Variants in ABHD12 observed in about 807,000 individuals in gnomAD.
The protein encoded by ABHD12 is abhydrolase domain containing 12, lysophospholipase, also known as lysophosphatidylserine lipase ABHD12.
ABHD12 carries 43 observed loss-of-function variants against 58.3 expected under a neutral mutation model. The observed-to-expected ratio is 0.74, with a 90% CI of 0.58 to 0.95. ABHD12 has a LOEUF of 0.95. Among genes scored for constraint, ABHD12 ranks in the 40% least tolerant of loss-of-function variants. ABHD12 has a pLI of 0.00. For synonymous variants in ABHD12, 219 were observed against 211.2 expected (o/e 1.04, Z -0.32); for missense variants, 539 against 537.2 (o/e 1.00, Z -0.03).
chr20:25,298,003 G>A (rs199781314), downstream of ABHD12: 1 of 149,638 alleles, frequency 6.7e-6, no homozygotes, highest in Non-Finnish European at 1.5e-5. Flanking sequence ...TTGTGGCTGT[G>A]GTTGGCTGAC....
intron 1 of ABHD12, among the ~76,000 whole-genome samples, chr20:25,372,969 G>A (rs1488642418): frequency 1.3e-5 from 2 of 152,104 alleles, no homozygotes; most frequent in African/African-American, 2.4e-5. Flanking sequence ...TATTTTCACT[G>A]TACCTTTTCT....
chr20:25,352,282 G>A (rs1436153441), intron 1 of ABHD12, among the ~76,000 whole-genome samples: 8 of 144,448 alleles, frequency 5.5e-5, no homozygotes, highest in Non-Finnish European at 1.2e-4. Flanking sequence ...ATGAGCCACC[G>A]CACCTGGCCT....
intron 1 of ABHD12, among the ~76,000 whole-genome samples, chr20:25,382,357 C>T (rs980090314): frequency 6.6e-6 from 1 of 152,034 alleles, no homozygotes; most frequent in Non-Finnish European, 1.5e-5. Flanking sequence ...AGATGGCTTA[C>T]CCACTCTCAT....
chr20:25,328,204 G>A (rs1749122267), intron 2 of ABHD12, among the ~76,000 whole-genome samples: 1 of 152,162 alleles, frequency 6.6e-6, no homozygotes. Flanking sequence ...TGGAAAGTGG[G>A]TCCACTTCAG....
chr20:25,374,747 G>A (rs551451824), intron 1 of ABHD12, among the ~76,000 whole-genome samples: 55 of 152,120 alleles, frequency 3.6e-4, no homozygotes, highest in Admixed American at 9.8e-4. Flanking sequence ...TGATCCTCCC[G>A]CCTCGGCCTC....
intron 2 of ABHD12, among the ~76,000 whole-genome samples, chr20:25,330,439 G>A (rs2089253034): frequency 6.6e-6 from 1 of 152,248 alleles, no homozygotes; most frequent in African/African-American, 2.4e-5. Flanking sequence ...CAGCCAGGAA[G>A]CTCAAACTGG....
downstream of ABHD12, chr20:25,296,904 G>A (rs2088555763): frequency 1.1e-5 from 2 of 187,074 alleles, no homozygotes; most frequent in Non-Finnish European, 1.1e-5. Flanking sequence ...TGGGGTCTGG[G>A]CCAGTGGCCA....
At chr20:25,296,283 A>T, downstream of ABHD12, 1 of 1,524,430 alleles carries the variant, frequency 6.6e-7, no homozygotes, top group Non-Finnish European at 9.1e-7. Flanking sequence ...GCTCATTTGG[A>T]AACAGTCCTA....
At chr20:25,320,700 G>A (rs991309938) in intron 3 of ABHD12, among the ~76,000 whole-genome samples, 2 of 152,212 alleles carry the variant, frequency 1.3e-5, no homozygotes, top group Non-Finnish European at 2.9e-5. Flanking sequence ...TTAACCCCAT[G>A]CTTAAATTGT....
At chr20:25,376,496 A>G (rs1039868148) in intron 1 of ABHD12, among the ~76,000 whole-genome samples, 3 of 152,238 alleles carry the variant, frequency 2.0e-5, no homozygotes, top group Non-Finnish European at 4.4e-5. Flanking sequence ...AGAACTGAAC[A>G]ACTGGGTATC....
intron 1 of ABHD12, among the ~76,000 whole-genome samples, chr20:25,340,132 C>T (rs1005615011): frequency 1.1e-4 from 16 of 152,208 alleles, no homozygotes; most frequent in African/African-American, 3.9e-4. Flanking sequence ...AGCTTCTTTA[C>T]TTCTTATTTG....
At chr20:25,351,702 T>C (rs981115571) in intron 1 of ABHD12, among the ~76,000 whole-genome samples, 2 of 152,054 alleles carry the variant, frequency 1.3e-5, no homozygotes, top group African/African-American at 4.8e-5. Context: ...TCACCTGAGG[T>C]TGGGACCTGA....
intron 4 of ABHD12, 103 bp downstream of exon 4, chr20:25,320,096 C>T: frequency 2.6e-6 from 4 of 1,540,618 alleles, no homozygotes; most frequent in Non-Finnish European, 3.5e-6. Context: ...TTTTGTGGGA[C>T]CGCAGGTTGC....
chr20:25,296,260 C>T, downstream of ABHD12: 1 of 1,378,018 alleles, frequency 7.3e-7, no homozygotes, highest in Middle Eastern at 1.8e-4. Context: ...AGCGGATGGC[C>T]CCAAGGCTCG....
At chr20:25,312,978 G>C in intron 6 of ABHD12, among the ~76,000 whole-genome samples, 1 of 145,294 alleles carries the variant, frequency 6.9e-6, no homozygotes, top group East Asian at 2.1e-4. Flanking sequence ...GCCAGCCCCC[G>C]ACCGGCCAGC....
rs531884007 is a variant in ABHD12, at chr20:25,300,837, G to A, written c.*8C>T. The A allele has an allele frequency of 9.2e-5, 149 of 1,614,046 alleles. No homozygotes were observed. In the South Asian group the frequency reaches 1.4e-3, roughly 16 times the overall value. On this transcript the variant is annotated 3_prime_UTR_variant, in exon 13 of 13. Transcript: ENST00000339157. ...AGAGGTCTTCATGCTTCCTTCCCAC[G>A]GCCAGGCTCAGTGCTGGTGCTCAGG... is the stretch of plus-strand genomic sequence containing the variant.
intron 1 of ABHD12, among the ~76,000 whole-genome samples, chr20:25,340,741 C>CA (rs1386935077): frequency 1.3e-5 from 2 of 152,208 alleles, no homozygotes; most frequent in Non-Finnish European, 2.9e-5. Flanking sequence ...AAGACATCCA[C>CA]AAAAGACTGT....
intron 3 of ABHD12, among the ~76,000 whole-genome samples, chr20:25,320,756 A>G (rs1600793358): frequency 6.6e-6 from 1 of 152,342 alleles, no homozygotes; most frequent in African/African-American, 2.4e-5. Flanking sequence ...ATGCTGTCAC[A>G]TTTGCTAATT....
chr20:25,329,985 C>T (rs1166574215), intron 2 of ABHD12, among the ~76,000 whole-genome samples: 1 of 152,226 alleles, frequency 6.6e-6, no homozygotes. Context: ...AGGAACAGCT[C>T]CAGTCTACAG....
Sources: allele counts gnomAD v4.1 joint callset (sites outside exome capture counted in the v4.1 genomes callset), GRCh38; gene constraint gnomAD v4.1.1; transcripts MANE v1.5; gene names NCBI Gene and HGNC (gene_info 2026-07-23, HGNC 2026-07-21).